The following CD99L2 variants were observed in gnomAD, a reference collection of about 807,000 sequenced individuals.
The protein encoded by CD99L2 is CD99 antigen-like protein 2.
In CD99L2, 24 loss-of-function variants were observed where a neutral mutation model predicts 27.3. The ratio of observed to expected loss-of-function variants is 0.88; its 90% CI spans 0.64 to 1.24. The LOEUF (loss-of-function observed/expected upper bound fraction) is 1.24. Among genes scored for constraint, CD99L2 ranks in the 50% most tolerant of loss-of-function variants. The pLI, the probability that CD99L2 is intolerant of heterozygous loss-of-function variation, is 0.00. For synonymous variants in CD99L2, 97 were observed against 87.9 expected, an observed-to-expected ratio of 1.10 and a Z score of -0.58; for missense variants, 255 against 221.6, an observed-to-expected ratio of 1.15 and a Z score of -0.96.
intron 7 of CD99L2, among the ~76,000 whole-genome samples, chrX:150,787,066 G>GT (rs2045605675): frequency 1.8e-5 from 2 of 111,931 alleles, no homozygotes; most frequent in South Asian, 7.3e-4. Flanking sequence ...GGGATGGTTT[G>GT]TTTTTTGCTA....
intron 1 of CD99L2, among the ~76,000 whole-genome samples, chrX:150,864,798 G>A (rs1042210469): frequency 2.7e-5 from 3 of 112,559 alleles, no homozygotes; most frequent in Non-Finnish European, 5.6e-5. Context: ...ATAAAGAACA[G>A]GTGCTTCACA....
At chrX:150,770,964 G>C (rs1185266204) in intron 9 of CD99L2, among the ~76,000 whole-genome samples, 2 of 112,691 alleles carry the variant, frequency 1.8e-5, no homozygotes, top group South Asian at 3.6e-4. Flanking sequence ...AGTCTAGTTA[G>C]TTATCTAGGC....
intron 1 of CD99L2, among the ~76,000 whole-genome samples, chrX:150,843,149 G>A (rs1174429586): frequency 3.6e-5 from 4 of 112,002 alleles, no homozygotes; most frequent in South Asian, 3.7e-4. Flanking sequence ...GATTTCAGAC[G>A]CAAAGTAGGG....
chrX:150,777,472 C>T lies in CD99L2; in HGVS notation c.507G>A (p.Arg169=), dbSNP rs1557419303. The T allele has an allele frequency of 8.3e-7, 1 of 1,210,949 alleles. No homozygotes were observed. Among genetic ancestry groups the T allele is most frequent in the Non-Finnish European group, 1.1e-6 (1 of 895,233 alleles). ...YKPDKGKGDG[R]YGSNDDPGSG... ...ATCCAGGGTCGTCATTGCTGCCGTA[C>T]CGGCCATCACCTGAAGAAAAGACAA... The change falls in exon 8 of 11, where the codon CGG becomes CGA. Residue 169 remains arginine (R), a synonymous_variant. Coordinates refer to ENST00000370377, the MANE Select transcript of CD99L2 (RefSeq NM_031462.4).
At chrX:150,812,774 T>C (rs1211239350) in intron 4 of CD99L2, among the ~76,000 whole-genome samples, 1 of 112,201 alleles carries the variant, frequency 8.9e-6, no homozygotes. Flanking sequence ...TTGTTCATAA[T>C]AGCCAAAAAC....
chrX:150,891,094 T>C (rs1557422805), intron 1 of CD99L2, among the ~76,000 whole-genome samples: 2 of 113,135 alleles, frequency 1.8e-5, no homozygotes, highest in Non-Finnish European at 3.7e-5. Flanking sequence ...GATTTTAAAA[T>C]GGTAAAACTG....
intron 1 of CD99L2, among the ~76,000 whole-genome samples, chrX:150,888,175 C>A (rs1218020600): frequency 8.9e-6 from 1 of 111,784 alleles, no homozygotes; most frequent in South Asian, 3.7e-4. Flanking sequence ...AGACCATGAT[C>A]TAGGCATATA....
intron 1 of CD99L2, among the ~76,000 whole-genome samples, chrX:150,889,687 T>C: frequency 8.9e-6 from 1 of 112,126 alleles, no homozygotes; most frequent in Non-Finnish European, 1.9e-5. Flanking sequence ...GTCATATCTA[T>C]AGGATTCAAC....
At chrX:150,888,621 C>T (rs2047451877) in intron 1 of CD99L2, among the ~76,000 whole-genome samples, 1 of 111,967 alleles carries the variant, frequency 8.9e-6, no homozygotes, top group Admixed American at 9.5e-5. Flanking sequence ...GTGTATTTTA[C>T]CACAATTTTT....
In CD99L2 at chrX:150,855,172, C is replaced by G. The variant is rs1260277512; in HGVS notation, c.68-23879G>C. On this transcript the variant is annotated intron_variant, in intron 1 of 10. Transcript: ENST00000370377. ...GAAGGAAATGTTCAAATCTGAACACCTGGTACCTGTGAATGTGACTTTATT... is the reference window on the plus strand; with the variant it reads ...GAAGGAAATGTTCAAATCTGAACACGTGGTACCTGTGAATGTGACTTTATT... 4.5e-5 allele frequency among the ~76,000 whole-genome samples: 5 copies of G among 111,818 alleles called. No homozygotes were observed. The South Asian group carries it at 1.5e-3, about 33-fold the overall frequency.
chrX:150,849,577 C>A (rs1244291477), intron 1 of CD99L2, among the ~76,000 whole-genome samples: 1 of 109,888 alleles, frequency 9.1e-6, no homozygotes. Flanking sequence ...AGCTACTCAG[C>A]AGGCTGAGGT....
rs782510311 is a variant in CD99L2, at chrX:150,803,458, C to CAGCCCT, written c.278-7973_278-7972insAGGGCT. Among the ~76,000 whole-genome samples, 45 of 111,840 alleles carry CAGCCCT rather than the reference C, an allele frequency of 4.0e-4. No individual in the cohort carries two copies. The Middle Eastern group carries it at 0.014, about 35-fold the overall frequency. On this transcript the variant is annotated intron_variant, in intron 4 of 10. Transcript: ENST00000370377. Reference sequence around the variant, plus strand: ...TAATCTAAAATTATATGAAAAGGCACAGGCCCTAGAAGAACCTTAAAAGAA... The same window carrying CAGCCCT: ...TAATCTAAAATTATATGAAAAGGCACAGCCCTAGGCCCTAGAAGAACCTTAAAAGAA...
At chrX:150,798,083 A>G (rs1437124630) in intron 4 of CD99L2, among the ~76,000 whole-genome samples, 7 of 80,913 alleles carry the variant, frequency 8.7e-5, no homozygotes, top group Non-Finnish European at 1.2e-4. Context: ...GAAGGAGAAG[A>G]AGGAGGAGAA....
At chrX:150,877,121 T>TAAAA (rs782764443) in intron 1 of CD99L2, among the ~76,000 whole-genome samples, 3 of 63,902 alleles carry the variant, frequency 4.7e-5, no homozygotes, top group Non-Finnish European at 6.3e-5. Context: ...TGTCTCTTAA[T>TAAAA]AAAAAAAAAA....
At chrX:150,831,050 C>G (rs1166433140) in intron 2 of CD99L2, among the ~76,000 whole-genome samples, 181 bp downstream of exon 2, 2 of 111,332 alleles carry the variant, frequency 1.8e-5, no homozygotes, top group African/African-American at 3.3e-5. Flanking sequence ...CTCAAGTGAT[C>G]CTCCCACCTT....
intron 2 of CD99L2, among the ~76,000 whole-genome samples, chrX:150,817,008 G>A (rs1365642794): frequency 1.2e-5 from 1 of 86,338 alleles, no homozygotes; most frequent in African/African-American, 4.2e-5. Flanking sequence ...GAGAACACAT[G>A]GACACAGGAA....
At chrX:150,835,155 A>C (rs115303198) in intron 1 of CD99L2, among the ~76,000 whole-genome samples, 2,861 of 111,854 alleles carry the variant, frequency 0.026, 102 homozygotes, top group African/African-American at 0.089. Context: ...AGGAGGAATT[A>C]AGTTTTAGCA....
intron 4 of CD99L2, among the ~76,000 whole-genome samples, chrX:150,805,120 G>A (rs1041789217): frequency 7.2e-5 from 8 of 111,692 alleles, no homozygotes; most frequent in Non-Finnish European, 1.1e-4. Context: ...CCCAGGAGGC[G>A]GAGGTTGCAG....
chrX:150,824,197 AGAGGAGGAG>A (rs1372139679), intron 2 of CD99L2, among the ~76,000 whole-genome samples: 5 of 65,174 alleles, frequency 7.7e-5, no homozygotes, highest in African/African-American at 1.1e-4. Context: ...AGGAAGAAGA[AGAGGAGGAG>A]GAAGAGGAGG....
Sources: allele counts gnomAD v4.1 joint callset (sites outside exome capture counted in the v4.1 genomes callset), GRCh38; gene constraint gnomAD v4.1.1; transcripts MANE v1.5; gene names NCBI Gene and HGNC (gene_info 2026-07-23, HGNC 2026-07-21).